PAG1: variants seen among roughly 807,000 people sequenced by gnomAD.
PAG1 encodes phosphoprotein associated with glycosphingolipid-enriched microdomains 1.
Under a neutral mutation model 31.7 loss-of-function variants are expected in PAG1, and 23 were observed. That is an observed-to-expected ratio of 0.73 (90% CI 0.52 to 1.03). PAG1 has a LOEUF of 1.03. PAG1 is among the 50% of genes least tolerant of loss of function. PAG1 has a pLI of 0.00. For synonymous variants in PAG1, 214 were observed against 210.3 expected (o/e 1.02, Z -0.15); for missense variants, 473 against 540.7 (o/e 0.87, Z 1.24).
chr8:81,059,274 C>CTTTTTTTTTTT (rs34306813), intron 2 of PAG1, among the ~76,000 whole-genome samples: 2 of 146,730 alleles, frequency 1.4e-5, no homozygotes. Flanking sequence ...GGCAAACATT[C>CTTTTTTTTTTT]TTTTTTTTTT....
At chr8:81,031,034 G>A (rs1808370874) in intron 2 of PAG1, among the ~76,000 whole-genome samples, 1 of 152,152 alleles carries the variant, frequency 6.6e-6, no homozygotes, top group African/African-American at 2.4e-5. Flanking sequence ...CATAACAAAC[G>A]GAGTGGAACG....
chr8:81,032,330 A>T (rs1473073420), intron 2 of PAG1, among the ~76,000 whole-genome samples: 1 of 152,210 alleles, frequency 6.6e-6, no homozygotes, highest in Non-Finnish European at 1.5e-5. Flanking sequence ...GGACTTATAT[A>T]TGGAATATAT....
At chr8:81,057,716 A>T (rs1031644754) in intron 2 of PAG1, among the ~76,000 whole-genome samples, 19 of 152,180 alleles carry the variant, frequency 1.2e-4, no homozygotes, top group Non-Finnish European at 1.6e-4. Context: ...AAAGTATAAT[A>T]AAAAAAATAA....
intron 1 of PAG1, among the ~76,000 whole-genome samples, chr8:81,085,081 T>G (rs1003531773): frequency 1.3e-5 from 2 of 152,134 alleles, no homozygotes; most frequent in Non-Finnish European, 2.9e-5. Context: ...TAGCTCTGAG[T>G]TAAGATGGTT....
intron 1 of PAG1, among the ~76,000 whole-genome samples, chr8:81,102,559 T>C (rs1248147528): frequency 1.3e-5 from 2 of 152,184 alleles, no homozygotes; most frequent in African/African-American, 2.4e-5. Context: ...GCCTCCTAGA[T>C]ATTTTTTGTG....
At chr8:81,083,398 A>G (rs1809300334) in intron 1 of PAG1, among the ~76,000 whole-genome samples, 1 of 152,104 alleles carries the variant, frequency 6.6e-6, no homozygotes, top group Non-Finnish European at 1.5e-5. Flanking sequence ...GGCTCTTGTT[A>G]CTACGCAGCA....
At chr8:81,048,849 G>A (rs1264730139) in intron 2 of PAG1, among the ~76,000 whole-genome samples, 1 of 152,086 alleles carries the variant, frequency 6.6e-6, no homozygotes, top group Non-Finnish European at 1.5e-5. Context: ...ATAAGTCTTT[G>A]CGGCCCAGTG....
At chr8:81,084,131 G>T (rs1212282328) in intron 1 of PAG1, among the ~76,000 whole-genome samples, 1 of 151,984 alleles carries the variant, frequency 6.6e-6, no homozygotes, top group Non-Finnish European at 1.5e-5. Context: ...TGGGTTTTGA[G>T]GTCTATAGAT....
At chr8:81,089,590 A>C (rs2131057537) in intron 1 of PAG1, among the ~76,000 whole-genome samples, 1 of 150,250 alleles carries the variant, frequency 6.7e-6, no homozygotes, top group South Asian at 2.1e-4. Context: ...AAAAAAAAGA[A>C]CCCTGAGTTT....
chr8:81,052,009 A>G (rs554670462), intron 2 of PAG1, among the ~76,000 whole-genome samples: 1 of 151,894 alleles, frequency 6.6e-6, no homozygotes, highest in East Asian at 1.9e-4. Context: ...GGGCGCCTGT[A>G]GTCCCAGCTA....
intron 2 of PAG1, among the ~76,000 whole-genome samples, chr8:81,047,344 C>T (rs2127938): frequency 0.87 from 132,487 of 152,222 alleles, 58,708 homozygotes; most frequent in East Asian, 0.97. Context: ...TCTATAACTT[C>T]GCCAGCATCT....
chr8:80,994,071 CATCTCCCTAACCCACTGCCATCTCTA>C (rs1433143289), intron 3 of PAG1, among the ~76,000 whole-genome samples: 10 of 152,086 alleles, frequency 6.6e-5, no homozygotes, highest in Admixed American at 2.0e-4. Flanking sequence ...TGCCATCTCT[CATCTCCCTAACCCACTGCCATCTCTA>C]ATCTCCCTAA....
In PAG1 at chr8:80,976,876, G is replaced by T; in HGVS notation, c.967C>A (p.Pro323Thr). Residue 323 changes from proline (P) to threonine (T), a missense_variant, in exon 9 of 9, where the codon CCT (proline) becomes ACT (threonine). Transcript: ENST00000220597. Reference protein sequence around the residue: ...ISAMYSSVNKPGQLVNKSGQS... With the variant: ...ISAMYSSVNKTGQLVNKSGQS... ...CCCGATTTATTCACTAACTGTCCAG[G>T]TTTATTTACTGATGAGTACATAGCT... 1.2e-6 allele frequency: 2 copies of T among 1,613,310 alleles called. No homozygotes were observed. The highest frequency in any genetic ancestry group is 1.1e-5 in the South Asian group (1 of 91,016).
intron 2 of PAG1, chr8:81,058,787 T>C (rs1224791880): frequency 6.6e-6 from 1 of 151,670 alleles, no homozygotes; most frequent in Non-Finnish European, 1.5e-5. Flanking sequence ...TCCCAGCTAC[T>C]TGGGGAGGCT....
chr8:81,095,992 G>T (rs1466502502), intron 1 of PAG1, among the ~76,000 whole-genome samples: 1 of 152,208 alleles, frequency 6.6e-6, no homozygotes, highest in Non-Finnish European at 1.5e-5. Context: ...TTATGAAGAA[G>T]TTTGTTAAGT....
At chr8:81,014,950 C>T (rs1808048098) in intron 3 of PAG1, among the ~76,000 whole-genome samples, 1 of 152,152 alleles carries the variant, frequency 6.6e-6, no homozygotes, top group Non-Finnish European at 1.5e-5. Context: ...GCGCAAGAAC[C>T]ATCTGATCTC....
At chr8:81,040,768 C>T (rs1475592754) in intron 2 of PAG1, 4 of 152,194 alleles carry the variant, frequency 2.6e-5, no homozygotes, top group South Asian at 2.1e-4. Context: ...AGACTAATGG[C>T]ATTTTAAATG....
intron 1 of PAG1, among the ~76,000 whole-genome samples, chr8:81,077,920 C>T (rs1809204809): frequency 6.6e-6 from 1 of 152,180 alleles, no homozygotes; most frequent in South Asian, 2.1e-4. Flanking sequence ...CTCTCCTTTC[C>T]CTCAAGGCAT....
intron 1 of PAG1, among the ~76,000 whole-genome samples, chr8:81,103,982 T>C (rs1050681690): frequency 2.2e-4 from 33 of 152,238 alleles, no homozygotes; most frequent in African/African-American, 7.7e-4. Flanking sequence ...ATGATAATTC[T>C]ATAAGCTTCT....
Sources: gnomAD v4.1 joint callset for allele counts (sites outside exome capture counted in the v4.1 genomes callset) on GRCh38, gnomAD v4.1.1 for gene constraint, MANE v1.5 for transcripts, NCBI Gene and HGNC (gene_info 2026-07-23, HGNC 2026-07-21) for gene names.